Variants in ANKRD22 observed in about 807,000 individuals in gnomAD.
The protein encoded by ANKRD22 is ankyrin repeat domain 22, also known as ankyrin repeat domain-containing protein 22.
In ANKRD22, 24 loss-of-function variants were observed where a neutral mutation model predicts 25.7. The observed-to-expected ratio is 0.93, with a 90% CI of 0.68 to 1.31. The LOEUF is 1.31. Ranked by LOEUF, ANKRD22 falls within the 50% of genes most tolerant of loss-of-function variation. ANKRD22 has a pLI of 0.00. For synonymous variants in ANKRD22, 84 were observed against 84.3 expected, an observed-to-expected ratio of 1.00 and a Z score of 0.02; for missense variants, 214 against 227.1, an observed-to-expected ratio of 0.94 and a Z score of 0.37.
chr10:88,839,962 G>C (rs1843989365), intron 1 of ANKRD22, among the ~76,000 whole-genome samples: 1 of 152,124 alleles, frequency 6.6e-6, no homozygotes, highest in Non-Finnish European at 1.5e-5. Context: ...AATTTCCCTG[G>C]TGATTCTGAT....
At chr10:88,845,429 G>T (rs1161778905) in intron 1 of ANKRD22, among the ~76,000 whole-genome samples, 3 of 151,944 alleles carry the variant, frequency 2.0e-5, no homozygotes, top group Non-Finnish European at 4.4e-5. Context: ...TCTTGCCCGA[G>T]CCTCTCCTTA....
chr10:88,822,776 A>G lies in ANKRD22; in HGVS notation c.*165T>C. The G allele has an allele frequency of 6.1e-6, 4 of 656,476 alleles. No individual in the cohort carries two copies. Among genetic ancestry groups the G allele is most frequent in the Middle Eastern group, 4.3e-4 (1 of 2,344 alleles). 40.7% of individuals were successfully genotyped at this position (656,476 alleles called of 1,614,324 possible). ...CATGGTGAACTTGACTGAGTAAACA[A>G]TGCTATAAATAAAAAGCTCTTCCAA... On this transcript the variant is annotated 3_prime_UTR_variant, in exon 6 of 6. Transcript: ENST00000371930.
At chr10:88,835,413 AG>A (rs1843944656) in intron 1 of ANKRD22, among the ~76,000 whole-genome samples, 1 of 152,192 alleles carries the variant, frequency 6.6e-6, no homozygotes, top group South Asian at 2.1e-4. Flanking sequence ...ATGTGTTGTT[AG>A]GTGATTTTGT....
rs1382652584 is a variant in ANKRD22 at position 88,821,841 on chromosome 10, A to AT, written c.*1099dup. Among the ~76,000 whole-genome samples the AT allele has an allele frequency of 6.6e-6, 1 of 152,184 alleles. No homozygotes were observed. The highest frequency in any genetic ancestry group is 2.4e-5 in the African/African-American group (1 of 41,454). ...AAATTCAGTCATATTTTTAAAGTGAATTTATTTCTACTCTGTGTCATTCAC... is the reference window on the plus strand; with the variant it reads ...AAATTCAGTCATATTTTTAAAGTGAATTTTATTTCTACTCTGTGTCATTCAC... On this transcript the variant is annotated 3_prime_UTR_variant, in exon 6 of 6. Transcript: ENST00000371930.
chr10:88,845,684 C>G (rs1844041008), intron 1 of ANKRD22, among the ~76,000 whole-genome samples: 1 of 152,080 alleles, frequency 6.6e-6, no homozygotes, highest in African/African-American at 2.4e-5. Flanking sequence ...AAAAATTTAT[C>G]TAAAATTCAC....
At chr10:88,840,715 G>T (rs1420261280) in intron 1 of ANKRD22, among the ~76,000 whole-genome samples, 1 of 152,160 alleles carries the variant, frequency 6.6e-6, no homozygotes, top group Non-Finnish European at 1.5e-5. Flanking sequence ...AGAAAAGGAA[G>T]GAAGATGTTT....
At chr10:88,825,529 T>C (rs543430896) in intron 4 of ANKRD22, among the ~76,000 whole-genome samples, 1 of 152,366 alleles carries the variant, frequency 6.6e-6, no homozygotes, top group African/African-American at 2.4e-5. Context: ...TTGGCTGCAG[T>C]GGCAGCTGTT....
Position 88,823,263 on chromosome 10 carries a change from G to T in ANKRD22, c.498+17C>A, listed in dbSNP as rs73354431. On this transcript the variant is annotated intron_variant, in intron 5 of 5. Transcript: ENST00000371930. Reference sequence around the variant, plus strand: ...TGCTGCTAGAGGAACCTCAGACCACGGTCCACCCTCCCTTACCTTATTCTT... The same window carrying T: ...TGCTGCTAGAGGAACCTCAGACCACTGTCCACCCTCCCTTACCTTATTCTT... The T allele has an allele frequency of 6.3e-7, 1 of 1,596,556 alleles. No individual in the cohort carries two copies. Among genetic ancestry groups the T allele is most frequent in the Admixed American group, 1.7e-5 (1 of 59,946 alleles).
intron 4 of ANKRD22, 142 bp from the exon 5 acceptor site, chr10:88,823,520 C>G: frequency 1.5e-6 from 1 of 680,824 alleles, no homozygotes; most frequent in Non-Finnish European, 2.5e-6. Context: ...TGATAGACAA[C>G]TATTTCTAGT....
At chr10:88,835,087 A>C (rs1239189844) in intron 1 of ANKRD22, among the ~76,000 whole-genome samples, 2 of 152,088 alleles carry the variant, frequency 1.3e-5, no homozygotes, top group Non-Finnish European at 2.9e-5. Context: ...CTCTTCACTC[A>C]TCTATGTTAC....
chr10:88,832,217 A>G (rs1843911114), intron 1 of ANKRD22, among the ~76,000 whole-genome samples, 191 bp from the exon 2 acceptor site: 2 of 152,160 alleles, frequency 1.3e-5, no homozygotes, highest in African/African-American at 4.8e-5. Flanking sequence ...GCCCATGAGG[A>G]ACCTCCTACA....
At chr10:88,840,516 C>G (rs190224632) in intron 1 of ANKRD22, among the ~76,000 whole-genome samples, 1 of 152,096 alleles carries the variant, frequency 6.6e-6, no homozygotes, top group African/African-American at 2.4e-5. Context: ...CTGTAATTCC[C>G]AATCTAAGGA....
At chr10:88,823,039 A>G in intron 5 of ANKRD22, 21 bp from the exon 6 acceptor site, 1 of 1,603,574 alleles carries the variant, frequency 6.2e-7, no homozygotes, top group African/African-American at 1.3e-5. Flanking sequence ...AAAAATATAC[A>G]GTTATTTCCA....
Position 88,828,654 on chromosome 10 carries a change from A to C in ANKRD22, c.226T>G (p.Cys76Gly), listed in dbSNP as rs770315659. 1 of 1,587,658 alleles carries C rather than the reference A, an allele frequency of 6.3e-7. No homozygotes were observed. Among genetic ancestry groups the C allele is most frequent in the South Asian group, 1.2e-5 (1 of 86,596 alleles). ...TTTTTCTTCACAGCATAATGCAAGC[A>C]GGTTCTCTCTTTCTAAAAATTAAGA... ...VNLKNQKERT[C>G]LHYAVKKKFT... is the part of the protein sequence containing the mutation. Residue 76 changes from cysteine to glycine, a missense_variant, in exon 3 of 6, where the codon TGC becomes GGC. Coordinates refer to ENST00000371930, the MANE Select transcript of ANKRD22 (RefSeq NM_144590.3).
At chr10:88,827,317 T>G (rs899864946) in intron 3 of ANKRD22, among the ~76,000 whole-genome samples, 1 of 152,230 alleles carries the variant, frequency 6.6e-6, no homozygotes, top group Non-Finnish European at 1.5e-5. Context: ...GCCCCATTAA[T>G]AAATTGCACG....
rs1416704056 is a variant in ANKRD22, at chr10:88,820,519, A to G, written c.*2422T>C. On this transcript the variant is annotated 3_prime_UTR_variant, in exon 6 of 6. Coordinates refer to ENST00000371930, the MANE Select transcript of ANKRD22 (RefSeq NM_144590.3). The stretch of plus-strand genomic sequence containing the variant: ...TATTGTGAAGCATCTGACACTGACG[A>G]TCTTAGGACAACCTCCTGAGGGATG... The G allele has an allele frequency of 1.3e-6, 2 of 1,543,904 alleles. No homozygotes were observed. The highest frequency in any genetic ancestry group is 2.4e-5 in the East Asian group (1 of 40,890).
At chr10:88,834,501 G>T (rs994087128) in intron 1 of ANKRD22, among the ~76,000 whole-genome samples, 3 of 152,162 alleles carry the variant, frequency 2.0e-5, no homozygotes, top group African/African-American at 7.2e-5. Context: ...TTTGGAAATT[G>T]GTGGTCTACC....
In ANKRD22 at chr10:88,828,583, A is replaced by C; in HGVS notation, c.297T>G (p.Val99=). Residue 99 remains valine (V), a synonymous_variant, in exon 3 of 6, where the codon GTT becomes GTG. Transcript: ENST00000371930. ...CCATGAGGAAATACCCAATAAGCAG[A>C]ACAGGCATTAAGAGGATAATTAGTA... The part of the protein sequence containing the change: ...DYLLIILLMP[V]LLIGYFLMVS... 6.2e-7 allele frequency: 1 copy of C among 1,609,436 alleles called. No individual in the cohort carries two copies. The highest frequency in any genetic ancestry group is 8.5e-7 in the Non-Finnish European group (1 of 1,176,488).
At chr10:88,843,881 T>C (rs1844025442) in intron 1 of ANKRD22, among the ~76,000 whole-genome samples, 1 of 152,134 alleles carries the variant, frequency 6.6e-6, no homozygotes, top group Non-Finnish European at 1.5e-5. Flanking sequence ...TAAACCGACA[T>C]TTAGGTCAGG....
Sources: allele counts gnomAD v4.1 joint callset (sites outside exome capture counted in the v4.1 genomes callset), GRCh38; gene constraint gnomAD v4.1.1; transcripts MANE v1.5; gene names NCBI Gene and HGNC (gene_info 2026-07-23, HGNC 2026-07-21).